The following TDRD9 variants were observed in gnomAD, a reference collection of about 807,000 sequenced individuals.
TDRD9 encodes the protein ATP-dependent RNA helicase TDRD9.
Under a neutral mutation model 172.6 loss-of-function variants are expected in TDRD9, and 124 were observed. That is an observed-to-expected ratio of 0.72 (90% CI 0.62 to 0.83). The LOEUF is 0.83. Ranked by LOEUF, TDRD9 falls within the 40% of genes least tolerant of loss-of-function variation. TDRD9 has a pLI of 0.00. For synonymous variants in TDRD9, 619 were observed against 617.1 expected, an observed-to-expected ratio of 1.00 and a Z score of -0.05; for missense variants, 1,479 against 1,714.1, an observed-to-expected ratio of 0.86 and a Z score of 2.42.
At chr14:104,022,019 A>G in intron 23 of TDRD9, 138 bp from the exon 24 acceptor site, 1 of 661,114 alleles carries the variant, frequency 1.5e-6, no homozygotes, top group South Asian at 1.9e-5. Flanking sequence ...AATACATGTT[A>G]TTGATTAATT....
chr14:104,004,206 C>A, intron 13 of TDRD9, 32 bp from the exon 14 acceptor site: 1 of 1,143,350 alleles, frequency 8.7e-7, no homozygotes, highest in Non-Finnish European at 1.3e-6. Flanking sequence ...GTAATTAATG[C>A]CAAACACTGT....
rs866736485 is a variant in TDRD9, at chr14:104,049,646, C to A, written c.4013C>A (p.Pro1338His). 1 of 1,589,446 alleles carries A rather than the reference C, an allele frequency of 6.3e-7. No individual in the cohort carries two copies. The highest frequency in any genetic ancestry group is 2.3e-5 in the East Asian group (1 of 43,586). Residue 1338 changes from proline (P) to histidine (H), a missense_variant, in exon 35 of 36, where the codon CCC (proline) becomes CAC (histidine). Transcript: ENST00000409874. ...TCAAAACCAAGGGAGAAGATTGTTC[C>A]CAAGTGGCATGAAAAGCCCTACGAG... Reference protein sequence around the residue: ...CQSKPREKIVPKWHEKPYEWN... With the variant: ...CQSKPREKIVHKWHEKPYEWN...
chr14:104,030,891 A>G (rs190891687), intron 28 of TDRD9, among the ~76,000 whole-genome samples: 1 of 152,314 alleles, frequency 6.6e-6, no homozygotes, highest in East Asian at 1.9e-4. Context: ...TGACGAGTTA[A>G]TGGGTGCAGC....
intron 7 of TDRD9, among the ~76,000 whole-genome samples, chr14:103,976,754 T>C (rs186753941): frequency 2.0e-5 from 3 of 152,364 alleles, no homozygotes; most frequent in East Asian, 3.9e-4. Context: ...TCCTCCATAC[T>C]GTTTTCCATA....
At chr14:104,029,931 G>A (rs564693052) in intron 28 of TDRD9, among the ~76,000 whole-genome samples, 20 of 152,116 alleles carry the variant, frequency 1.3e-4, no homozygotes, top group Non-Finnish European at 2.8e-4. Flanking sequence ...CTGTTGAGAT[G>A]ATCAGAGAGG....
chr14:103,959,185 T>A (rs2032383152), intron 2 of TDRD9, among the ~76,000 whole-genome samples: 1 of 152,100 alleles, frequency 6.6e-6, no homozygotes, highest in South Asian at 2.1e-4. Flanking sequence ...GAGAGCCAGT[T>A]GAAGGACAAA....
intron 34 of TDRD9, 51 bp downstream of exon 34, chr14:104,042,238 G>A: frequency 1.6e-6 from 2 of 1,270,250 alleles, no homozygotes; most frequent in Non-Finnish European, 2.3e-6. Flanking sequence ...AACTTTCTCA[G>A]CTGCCTTGAT....
Position 103,971,197 on chromosome 14 carries a change from A to G in TDRD9, c.846+576A>G, listed in dbSNP as rs185059205. On this transcript the variant is annotated intron_variant, in intron 6 of 35. Transcript: ENST00000409874. ...GCGGGGTTTCATCGTGTTAGCCAGG[A>G]TGGTCTTGATCTCCTGACCTCGTGA... Among the ~76,000 whole-genome samples, 121 of 151,312 alleles carry G rather than the reference A, an allele frequency of 8.0e-4. No individual in the cohort carries two copies. The East Asian group carries it at 0.022, about 28-fold the overall frequency.
chr14:104,044,704 G>A (rs1291515001), intron 34 of TDRD9, among the ~76,000 whole-genome samples: 2 of 151,998 alleles, frequency 1.3e-5, no homozygotes, highest in African/African-American at 4.8e-5. Flanking sequence ...AAAATATTTG[G>A]ATTATTTCCA....
At chr14:103,961,372 G>C (rs887928251) in intron 2 of TDRD9, among the ~76,000 whole-genome samples, 1 of 152,110 alleles carries the variant, frequency 6.6e-6, no homozygotes, top group African/African-American at 2.4e-5. Context: ...AGACCAGCCT[G>C]ACCAACATGG....
intron 24 of TDRD9, 78 bp from the exon 25 acceptor site, chr14:104,024,491 A>C (rs1036581646): frequency 2.7e-6 from 2 of 727,294 alleles, no homozygotes; most frequent in Non-Finnish European, 4.6e-6. Context: ...GAATAGTTCA[A>C]GTGATAATTT....
At chr14:104,024,486 G>C in intron 24 of TDRD9, 83 bp from the exon 25 acceptor site, 1 of 699,674 alleles carries the variant, frequency 1.4e-6, no homozygotes. Context: ...TATTAGAATA[G>C]TTCAAGTGAT....
intron 2 of TDRD9, among the ~76,000 whole-genome samples, chr14:103,958,520 A>T (rs775633426): frequency 3.3e-5 from 5 of 152,214 alleles, no homozygotes; most frequent in Non-Finnish European, 5.9e-5. Context: ...ATGCAAATTA[A>T]GGATCTTGAG....
chr14:103,946,566 T>A (rs2031569612), intron 1 of TDRD9, among the ~76,000 whole-genome samples: 1 of 152,170 alleles, frequency 6.6e-6, no homozygotes, highest in Non-Finnish European at 1.5e-5. Context: ...CAAGGAAGAT[T>A]AAGAAATAAA....
At chr14:103,953,318 T>A (rs944704006) in intron 1 of TDRD9, among the ~76,000 whole-genome samples, 1 of 152,176 alleles carries the variant, frequency 6.6e-6, no homozygotes. Context: ...ATCTTGACTC[T>A]CTCAGCTGCA....
In TDRD9 at chr14:104,004,344, CT is replaced by C. The variant is rs769122848; in HGVS notation, c.1581+12del. Reference sequence around the variant, plus strand: ...TTGTTCCTGAGATGTTGGTAATTCACTTTGGTCATTGTCAAAGTTTATTTAT... The same window carrying C: ...TTGTTCCTGAGATGTTGGTAATTCACTTGGTCATTGTCAAAGTTTATTTAT... On this transcript the variant is annotated intron_variant, in intron 14 of 35. Transcript: ENST00000409874. The C allele has an allele frequency of 1.4e-6, 2 of 1,443,720 alleles. No homozygotes were observed. Among genetic ancestry groups the C allele is most frequent in the Admixed American group, 1.7e-5 (1 of 59,104 alleles). The allele number at this position is 1,443,720 out of a possible 1,614,324, so 89.4% of individuals were successfully genotyped here. A position where few individuals can be genotyped will look rare whatever the true frequency, so the allele number is the denominator to read the frequency against.
Position 104,022,305 on chromosome 14 carries a change from A to G in TDRD9, c.2581A>G (p.Asn861Asp), listed in dbSNP as rs757518260. The change falls in exon 24 of 36, where the codon AAC becomes GAC. Residue 861 changes from asparagine to aspartate, a missense_variant. Asn to Asp is a conservative substitution (Grantham distance 23). Around this residue, in one of 3 missense-constraint regions of TDRD9, gnomAD observed 1,413 missense variants for 1,649.1 expected, o/e 0.86. Coordinates refer to ENST00000409874, the MANE Select transcript of TDRD9 (RefSeq NM_153046.3). Reference sequence around the variant, plus strand: ...AATTGAAGGGAAGGTGCAAGGCATGAACGTCTCAAAGCTCAGGAACACAAG... The same window carrying G: ...AATTGAAGGGAAGGTGCAAGGCATGGACGTCTCAAAGCTCAGGAACACAAG... ...EEIEGKVQGMNVSKLRNTRVN... is the reference protein window; with the variant it reads ...EEIEGKVQGMDVSKLRNTRVN... 6.2e-7 allele frequency: 1 copy of G among 1,613,520 alleles called. No homozygotes were observed. Among genetic ancestry groups the G allele is most frequent in the South Asian group, 1.1e-5 (1 of 90,834 alleles).
chr14:103,959,913 TAC>T (rs2032430408), intron 2 of TDRD9, among the ~76,000 whole-genome samples: 1 of 152,236 alleles, frequency 6.6e-6, no homozygotes, highest in Non-Finnish European at 1.5e-5. Flanking sequence ...TGTCCTGGGA[TAC>T]AGTCTTTAGA....
rs1595963487 is a variant in TDRD9 at position 103,997,120 on chromosome 14, C to T, written c.1378+1313C>T. On this transcript the variant is annotated intron_variant, in intron 12 of 35. Transcript: ENST00000409874. The surrounding 1 kb of genome is among the most constrained non-coding windows in gnomAD (Gnocchi z 5.1). ...TGCTGTGCTGGGCAAGATGGAAAAT[C>T]GTTGGTAGGTTTTGAAAACAGAAAT... Among the ~76,000 whole-genome samples the T allele has an allele frequency of 6.6e-6, 1 of 152,122 alleles. No homozygotes were observed. Among genetic ancestry groups the T allele is most frequent in the Admixed American group, 6.5e-5 (1 of 15,278 alleles).
Sources: allele counts gnomAD v4.1 joint callset (sites outside exome capture counted in the v4.1 genomes callset), GRCh38; gene constraint gnomAD v4.1.1; regional missense constraint gnomAD v4.1.1; non-coding constraint Gnocchi (gnomAD v3.1); transcripts MANE v1.5; gene names NCBI Gene and HGNC (gene_info 2026-07-23, HGNC 2026-07-21).